Variants in MTCL1 observed in about 807,000 individuals in gnomAD.
MTCL1 encodes the protein microtubule crosslinking factor 1, also known as microtubule cross-linking factor 1.
Under a neutral mutation model 141.4 loss-of-function variants are expected in MTCL1, and 79 were observed. The ratio of observed to expected loss-of-function variants is 0.56; its 90% CI spans 0.47 to 0.67. The LOEUF is 0.67. Among genes scored for constraint, MTCL1 ranks in the 30% least tolerant of loss-of-function variants. The pLI is 0.00. For missense variants in MTCL1, 2,177 were observed against 2,113.9 expected (o/e 1.03, Z -0.59); for synonymous variants, 914 against 875.8 (o/e 1.04, Z -0.77).
rs950215533 is a variant in MTCL1, at chr18:8,728,171, A to G, written c.357+7675A>G. On this transcript the variant is annotated intron_variant, in intron 4 of 16. Transcript: ENST00000359865. ...AAATGACCTTTTAAAAACTTATTTA[A>G]TAGCTAATGCTTGTTTAGATTAATT... Among the ~76,000 whole-genome samples the G allele has an allele frequency of 3.9e-5, 6 of 152,302 alleles. 1 individual carries two copies. The East Asian group carries it at 7.7e-4, about 20-fold the overall frequency.
chr18:8,747,974 G>A (rs1055974130), intron 4 of MTCL1, among the ~76,000 whole-genome samples: 1 of 152,124 alleles, frequency 6.6e-6, no homozygotes, highest in Non-Finnish European at 1.5e-5. Context: ...GAGCTGCCTG[G>A]TTGTCACCCA....
rs752584375 is a variant in MTCL1 at position 8,824,919 on chromosome 18, G to A, written c.3409G>A (p.Glu1137Lys). ...GCCGGACCTTTGGGCCGACAGGACC[G>A]AGGTGGGGCGGGCAGGGCACGAGGA... Residue 1137 changes from glutamate to lysine, a missense_variant, in exon 15 of 17, where the codon GAG becomes AAG. Glu to Lys is a moderately conservative substitution (Grantham distance 56). Coordinates refer to ENST00000359865, the Ensembl canonical transcript of MTCL1. 35 of 1,613,674 alleles carry A rather than the reference G, an allele frequency of 2.2e-5. No homozygotes were observed. Among genetic ancestry groups the A allele is most frequent in the African/African-American group, 5.3e-5 (4 of 74,936 alleles).
intron 6 of MTCL1, 25 bp downstream of exon 5, chr18:8,784,868 C>G: frequency 6.5e-7 from 1 of 1,539,602 alleles, no homozygotes; most frequent in South Asian, 1.2e-5. Context: ...GGCTTCGCCT[C>G]CCTGCTCCGC....
At chr18:8,763,409 C>T (rs928535567) in intron 4 of MTCL1, among the ~76,000 whole-genome samples, 1 of 152,166 alleles carries the variant, frequency 6.6e-6, no homozygotes, top group Non-Finnish European at 1.5e-5. Flanking sequence ...TCATTTTTTC[C>T]AATTGGATGC....
chr18:8,710,327 A>AC (rs1455600896), intron 1 of MTCL1, among the ~76,000 whole-genome samples: 8 of 44,362 alleles, frequency 1.8e-4, no homozygotes, highest in African/African-American at 1.3e-3. Context: ...GTGTGAAAAC[A>AC]CAGACAGAAA....
At chr18:8,756,379 GTATA>G (rs760326796) in intron 4 of MTCL1, among the ~76,000 whole-genome samples, 1 of 150,426 alleles carries the variant, frequency 6.6e-6, no homozygotes, top group Non-Finnish European at 1.5e-5. Flanking sequence ...GTGTATATAT[GTATA>G]TATGTGTATA....
chr18:8,737,832 T>C (rs1263320785), intron 4 of MTCL1, among the ~76,000 whole-genome samples: 2 of 152,158 alleles, frequency 1.3e-5, no homozygotes, highest in East Asian at 1.9e-4. Context: ...TCATGGCCCA[T>C]CTGACCCATG....
intron 8 of MTCL1, among the ~76,000 whole-genome samples, chr18:8,794,320 G>A (rs957967864): frequency 6.6e-6 from 1 of 152,160 alleles, no homozygotes; most frequent in East Asian, 1.9e-4. Context: ...GGTAGGAGAT[G>A]TCCTCCAGGC....
chr18:8,822,740 A>C lies in MTCL1; in HGVS notation c.3188+1242A>C, dbSNP rs569141868. Among the ~76,000 whole-genome samples, 2 of 152,302 alleles carry C rather than the reference A, an allele frequency of 1.3e-5. No individual in the cohort carries two copies. The highest frequency in any genetic ancestry group is 2.9e-5 in the Non-Finnish European group (2 of 68,034). On this transcript the variant is annotated intron_variant, in intron 14 of 16. Coordinates refer to ENST00000359865, the Ensembl canonical transcript of MTCL1. The surrounding 1 kb of genome is among the most constrained non-coding windows in gnomAD (Gnocchi z 4.6). ...TGTTAATACACATAATGAAAGCAGC[A>C]CATGGCACAAAACAAACAGTAAACA... is the stretch of plus-strand genomic sequence containing the variant.
intron 7 of MTCL1, among the ~76,000 whole-genome samples, chr18:8,787,765 CAGAAA>C (rs2075568974): frequency 2.0e-5 from 3 of 152,334 alleles, no homozygotes; most frequent in South Asian, 4.1e-4. Flanking sequence ...ACATTTCACA[CAGAAA>C]AGAAAACTCA....
chr18:8,721,482 C>T (rs888821672), intron 4 of MTCL1, among the ~76,000 whole-genome samples: 2 of 152,186 alleles, frequency 1.3e-5, no homozygotes, highest in African/African-American at 4.8e-5. Context: ...GCAGGCGTGC[C>T]CCTCTCTGCT....
intron 4 of MTCL1, among the ~76,000 whole-genome samples, chr18:8,777,469 G>A (rs2143300952): frequency 6.6e-6 from 1 of 152,258 alleles, no homozygotes; most frequent in East Asian, 1.9e-4. Context: ...AGAAATATGA[G>A]TTATCTGTTT....
chr18:8,797,526 C>T (rs2075968716), intron 9 of MTCL1, among the ~76,000 whole-genome samples: 1 of 152,174 alleles, frequency 6.6e-6, no homozygotes, highest in Non-Finnish European at 1.5e-5. Context: ...CATCACTGAC[C>T]CTGGCTTCTT....
chr18:8,803,171 AAAG>A (rs1161835014), intron 10 of MTCL1, among the ~76,000 whole-genome samples: 12 of 151,458 alleles, frequency 7.9e-5, no homozygotes, highest in Admixed American at 3.9e-4. Context: ...AAAAAAAAAA[AAAG>A]AAGAAGAAAA....
At chr18:8,783,025 T>C (rs1386935748) in intron 5 of MTCL1, among the ~76,000 whole-genome samples, 1 of 152,174 alleles carries the variant, frequency 6.6e-6, no homozygotes, top group Non-Finnish European at 1.5e-5. Context: ...TTGTGGATTG[T>C]GGGCCACTTT....
At chr18:8,742,610 G>C (rs1313001028) in intron 4 of MTCL1, among the ~76,000 whole-genome samples, 2 of 152,166 alleles carry the variant, frequency 1.3e-5, no homozygotes, top group African/African-American at 4.8e-5. Flanking sequence ...CTTCCATCTG[G>C]TCCCACCCTT....
intron 4 of MTCL1, among the ~76,000 whole-genome samples, chr18:8,739,637 T>G (rs1195656431): frequency 1.3e-5 from 2 of 152,238 alleles, no homozygotes; most frequent in Non-Finnish European, 2.9e-5. Flanking sequence ...TACAGCCTTC[T>G]GCTCAAAGGG....
chr18:8,724,016 A>G (rs2096190945), intron 4 of MTCL1, among the ~76,000 whole-genome samples: 1 of 152,166 alleles, frequency 6.6e-6, no homozygotes, highest in Admixed American at 6.5e-5. Context: ...CAACTGCTTA[A>G]TGGGTAGGCG....
exon 6 of MTCL1, chr18:8,784,259 C>G (rs367857172): frequency 1.9e-6 from 3 of 1,603,050 alleles, no homozygotes; most frequent in East Asian, 2.2e-5. Context: ...CCCCAGTCCC[C>G]GGGACAGCGA....
Sources: allele counts gnomAD v4.1 joint callset (sites outside exome capture counted in the v4.1 genomes callset), GRCh38; gene constraint gnomAD v4.1.1; non-coding constraint Gnocchi (gnomAD v3.1); transcripts MANE v1.5; gene names NCBI Gene and HGNC (gene_info 2026-07-23, HGNC 2026-07-21).